COBL: variants seen among roughly 807,000 people sequenced by gnomAD.
The protein encoded by COBL is cordon-bleu WH2 repeat protein.
A neutral mutation model predicts 98.8 loss-of-function variants in COBL; 51 were observed. The observed-to-expected ratio is 0.52, with a 90% CI of 0.41 to 0.65. COBL has a LOEUF of 0.65. Ranked by LOEUF, COBL falls within the 30% of genes least tolerant of loss-of-function variation. The probability of loss-of-function intolerance (pLI) is 0.00; values close to 1 mark genes in which losing one functional copy is unlikely to be tolerated. For missense variants in COBL, 1,617 were observed against 1,617.5 expected, an observed-to-expected ratio of 1.00 and a Z score of 0.01; for synonymous variants, 634 against 651.7, an observed-to-expected ratio of 0.97 and a Z score of 0.41.
At chr7:51,166,816 G>A (rs985988033) in intron 5 of COBL, among the ~76,000 whole-genome samples, 1 of 152,060 alleles carries the variant, frequency 6.6e-6, no homozygotes, top group African/African-American at 2.4e-5. Context: ...AAATCAATCA[G>A]TGTGATACAT....
At chr7:51,197,897 T>C (rs1199522531) in intron 2 of COBL, among the ~76,000 whole-genome samples, 1 of 152,176 alleles carries the variant, frequency 6.6e-6, no homozygotes, top group Non-Finnish European at 1.5e-5. Context: ...TGTTTTGAGC[T>C]TACGTGTGTC....
At chr7:51,182,132 G>A (rs1308876668) in intron 5 of COBL, among the ~76,000 whole-genome samples, 1 of 152,142 alleles carries the variant, frequency 6.6e-6, no homozygotes, top group Non-Finnish European at 1.5e-5. Flanking sequence ...AATGAGGAAT[G>A]GTGGATTTTA....
At chr7:51,106,200 CAAAAAAAA>C (rs61220710) in intron 6 of COBL, among the ~76,000 whole-genome samples, 1 of 102,848 alleles carries the variant, frequency 9.7e-6, no homozygotes, top group Non-Finnish European at 2.0e-5. Context: ...CGAGATGTCT[CAAAAAAAA>C]AAAAAAAAAA....
rs1489537761 is a variant in COBL, at chr7:51,217,097, A to G, written c.245+2644T>C. 2.6e-5 allele frequency among the ~76,000 whole-genome samples: 4 copies of G among 152,246 alleles called. No homozygotes were observed. In the East Asian group the frequency reaches 7.7e-4, roughly 29 times the overall value. On this transcript the variant is annotated intron_variant, in intron 2 of 12. Coordinates refer to ENST00000265136, the MANE Select transcript of COBL (RefSeq NM_015198.5). The stretch of plus-strand genomic sequence containing the variant: ...AAGGGATAATAATTCACTACTTAAG[A>G]AAGATAACATTATTTTAACACTCCA...
intron 7 of COBL, among the ~76,000 whole-genome samples, chr7:51,077,031 T>C (rs1330084676): frequency 6.6e-6 from 1 of 152,192 alleles, no homozygotes; most frequent in Non-Finnish European, 1.5e-5. Flanking sequence ...TTCAATGCAC[T>C]AAGGGAATAG....
chr7:51,135,513 A>G (rs1431211133), intron 6 of COBL, among the ~76,000 whole-genome samples: 1 of 152,100 alleles, frequency 6.6e-6, no homozygotes, highest in Non-Finnish European at 1.5e-5. Context: ...AAATTACATG[A>G]CATGTCAGGA....
intron 1 of COBL, among the ~76,000 whole-genome samples, chr7:51,262,796 G>C (rs1246638137): frequency 1.3e-5 from 2 of 152,164 alleles, no homozygotes; most frequent in Non-Finnish European, 2.9e-5. Context: ...AGGATGAAGA[G>C]GGCAATAATG....
chr7:51,087,172 ATACTTTT>A lies in COBL; in HGVS notation c.958-1875_958-1869del, dbSNP rs1328310567. ...CACACACACACACACGCACAGACTCATACTTTTCCTCTCCATTTTCCAAAAAATTATA... is the reference window on the plus strand; with the variant it reads ...CACACACACACACACGCACAGACTCACCTCTCCATTTTCCAAAAAATTATA... On this transcript the variant is annotated intron_variant, in intron 6 of 12. Coordinates refer to ENST00000265136, the MANE Select transcript of COBL (RefSeq NM_015198.5). Among the ~76,000 whole-genome samples, 1,083 of 152,040 alleles carry A rather than the reference ATACTTTT, an allele frequency of 7.1e-3. 13 individuals carry two copies. Among genetic ancestry groups the A allele is most frequent in the African/African-American group, 0.025 (1,051 of 41,500 alleles).
intron 8 of COBL, 124 bp from the exon 9 acceptor site, chr7:51,031,033 T>A (rs1240879097): frequency 1.4e-6 from 1 of 699,504 alleles, no homozygotes; most frequent in Non-Finnish European, 2.5e-6. Context: ...ATACTCACTG[T>A]ACTGCTGTTG....
chr7:51,169,354 A>G (rs898987917), intron 5 of COBL, among the ~76,000 whole-genome samples: 1 of 152,100 alleles, frequency 6.6e-6, no homozygotes, highest in Non-Finnish European at 1.5e-5. Context: ...AAATGTATAA[A>G]AGCAAGCTGT....
Position 51,028,428 on chromosome 7 carries a change from C to T in COBL, c.2668G>A (p.Gly890Ser), listed in dbSNP as rs374030012. ...KVHADVVRPHGYAEKGYAGKA... is the reference protein window; with the variant it reads ...KVHADVVRPHSYAEKGYAGKA... ...CCTGCATAACCCTTCTCGGCATAAC[C>T]GTGTGGCCTCACCACATCAGCATGG... The change falls in exon 10 of 13, where the codon GGT becomes AGT. Residue 890 changes from glycine to serine, a missense_variant. Physicochemically the swap from Gly to Ser is moderately conservative, Grantham distance 56. This residue lies in a region of COBL where 1,304 missense variants were observed against 1,282.0 expected (regional missense o/e 1.02). Coordinates refer to ENST00000265136, the MANE Select transcript of COBL (RefSeq NM_015198.5). The T allele has an allele frequency of 1.4e-5, 22 of 1,614,128 alleles. No individual in the cohort carries two copies. Among genetic ancestry groups the T allele is most frequent in the Non-Finnish European group, 1.8e-5 (21 of 1,180,050 alleles).
intron 1 of COBL, among the ~76,000 whole-genome samples, chr7:51,310,216 G>A (rs1374911906): frequency 6.6e-6 from 1 of 152,218 alleles, no homozygotes; most frequent in Non-Finnish European, 1.5e-5. Flanking sequence ...TGGCAGCACT[G>A]GCAGAGAACA....
chr7:51,209,752 G>T (rs949922330), intron 2 of COBL, among the ~76,000 whole-genome samples: 2 of 152,144 alleles, frequency 1.3e-5, no homozygotes, highest in African/African-American at 4.8e-5. Flanking sequence ...TTTCCATGAG[G>T]CAAGGGAGCT....
intron 5 of COBL, among the ~76,000 whole-genome samples, chr7:51,147,848 T>A (rs1271616294): frequency 1.3e-5 from 2 of 151,918 alleles, no homozygotes; most frequent in Admixed American, 6.6e-5. Flanking sequence ...CCTCCCAGGT[T>A]CACACTAGTC....
intron 2 of COBL, among the ~76,000 whole-genome samples, chr7:51,207,614 T>C (rs1791879322): frequency 6.6e-6 from 1 of 152,238 alleles, no homozygotes; most frequent in Non-Finnish European, 1.5e-5. Flanking sequence ...ATTTTTTTGG[T>C]GGAGACGGGG....
In COBL at chr7:51,285,656, T is replaced by C. The variant is rs975509619; in HGVS notation, c.41+30937A>G. ...AGAAAAATGGAGAGACATATATTCATTGGTCAGACGACTCAAATTGATTTA... is the reference window on the plus strand; with the variant it reads ...AGAAAAATGGAGAGACATATATTCACTGGTCAGACGACTCAAATTGATTTA... On this transcript the variant is annotated intron_variant, in intron 1 of 12. Coordinates refer to ENST00000265136, the MANE Select transcript of COBL (RefSeq NM_015198.5). 4.6e-5 allele frequency among the ~76,000 whole-genome samples: 7 copies of C among 152,210 alleles called. No individual in the cohort carries two copies. In the East Asian group the frequency reaches 1.2e-3, roughly 25 times the overall value.
chr7:51,179,754 C>T (rs1788754464), intron 5 of COBL, among the ~76,000 whole-genome samples: 2 of 152,070 alleles, frequency 1.3e-5, no homozygotes, highest in South Asian at 4.1e-4. Context: ...GGAGATCATG[C>T]CGTTGAACAA....
intron 2 of COBL, among the ~76,000 whole-genome samples, chr7:51,216,267 G>A (rs917102075): frequency 2.0e-5 from 3 of 152,140 alleles, no homozygotes; most frequent in African/African-American, 7.2e-5. Context: ...TGTAACCTCT[G>A]CCTCCCAGGT....
At chr7:51,201,483 A>G (rs1189410191) in intron 2 of COBL, among the ~76,000 whole-genome samples, 1 of 152,198 alleles carries the variant, frequency 6.6e-6, no homozygotes. Flanking sequence ...AGGGAGAAAG[A>G]GACAGCAATA....
Sources: gnomAD v4.1 joint callset for allele counts (sites outside exome capture counted in the v4.1 genomes callset) on GRCh38, gnomAD v4.1.1 for gene constraint, gnomAD v4.1.1 regional missense constraint, MANE v1.5 for transcripts, NCBI Gene and HGNC (gene_info 2026-07-23, HGNC 2026-07-21) for gene names.